The following DLG2 variants were observed in gnomAD, a reference collection of about 807,000 sequenced individuals.
DLG2 encodes discs large MAGUK scaffold protein 2, also known as disks large homolog 2.
DLG2 carries 45 observed loss-of-function variants against 132.5 expected under a neutral mutation model. The observed-to-expected ratio is 0.34, with a 90% CI of 0.27 to 0.44. The LOEUF (loss-of-function observed/expected upper bound fraction) is 0.44. Ranked by LOEUF, DLG2 falls within the 20% of genes least tolerant of loss-of-function variation. The probability of loss-of-function intolerance (pLI) is 1.00; values close to 1 mark genes in which losing one functional copy is unlikely to be tolerated. For missense variants in DLG2, 1,045 were observed against 1,196.9 expected (o/e 0.87, Z 1.87); for synonymous variants, 424 against 419.6 (o/e 1.01, Z -0.13).
intron 5 of DLG2, among the ~76,000 whole-genome samples, chr11:85,114,167 TCTC>T (rs1293994649): frequency 1.3e-5 from 2 of 151,988 alleles, no homozygotes; most frequent in Non-Finnish European, 2.9e-5. Context: ...AAGTCTTCAT[TCTC>T]CTTCTTCAGT....
chr11:84,505,150 T>G (rs1364292141), intron 7 of DLG2, among the ~76,000 whole-genome samples: 1 of 152,110 alleles, frequency 6.6e-6, no homozygotes, highest in Non-Finnish European at 1.5e-5. Flanking sequence ...TTAAAATGTA[T>G]CCTATTTATT....
chr11:84,864,041 G>C (rs1426295075), intron 6 of DLG2, among the ~76,000 whole-genome samples: 2 of 152,202 alleles, frequency 1.3e-5, no homozygotes, highest in Non-Finnish European at 2.9e-5. Flanking sequence ...CCTGGGAAGA[G>C]ATACTTTATT....
intron 6 of DLG2, among the ~76,000 whole-genome samples, chr11:85,018,179 C>T (rs1262649034): frequency 6.6e-6 from 1 of 152,130 alleles, no homozygotes; most frequent in Non-Finnish European, 1.5e-5. Context: ...TAAACTACCA[C>T]ATTAATGAGC....
At chr11:83,753,435 T>C (rs2093424318) in intron 18 of DLG2, among the ~76,000 whole-genome samples, 1 of 151,584 alleles carries the variant, frequency 6.6e-6, no homozygotes, top group Non-Finnish European at 1.5e-5. Flanking sequence ...AAAAACAAAA[T>C]AAAACAAAAA....
At position 84,066,596 on chromosome 11, in the gene DLG2, C is replaced by T. The variant is rs140668406; in HGVS notation, c.750-7112G>A. 7.1e-3 allele frequency among the ~76,000 whole-genome samples: 1,076 copies of T among 152,050 alleles called. 44 individuals carry two copies. The highest frequency in any genetic ancestry group is 1.2e-3 in the Non-Finnish European group (84 of 67,974). The stretch of plus-strand genomic sequence containing the variant: ...CCAACATGATGAAATCCTGTCTGTG[C>T]TAAAAATACAAAAAATTAGCCACGC... On this transcript the variant is annotated intron_variant, in intron 10 of 27. Coordinates refer to ENST00000376104, the MANE Select transcript of DLG2 (RefSeq NM_001142699.3).
At chr11:84,150,898 A>G (rs1293875095) in intron 9 of DLG2, among the ~76,000 whole-genome samples, 1 of 152,158 alleles carries the variant, frequency 6.6e-6, no homozygotes, top group Non-Finnish European at 1.5e-5. Context: ...TGTTTATGCA[A>G]TTAATTACAT....
At chr11:83,573,909 A>G (rs1275875853) in intron 19 of DLG2, among the ~76,000 whole-genome samples, 1 of 152,132 alleles carries the variant, frequency 6.6e-6, no homozygotes, top group Non-Finnish European at 1.5e-5. Flanking sequence ...ATATGGATAG[A>G]TTTGGATTGA....
intron 18 of DLG2, among the ~76,000 whole-genome samples, chr11:83,709,180 G>A (rs573672762): frequency 1.3e-4 from 19 of 151,594 alleles, no homozygotes; most frequent in Admixed American, 5.3e-4. Context: ...ATCTTTTTGA[G>A]AGGAAAAAAA....
intron 6 of DLG2, among the ~76,000 whole-genome samples, chr11:84,608,456 G>A (rs1593621475): frequency 2.0e-5 from 3 of 152,128 alleles, no homozygotes; most frequent in African/African-American, 4.8e-5. Flanking sequence ...AATTCACAAC[G>A]TGCTAAGATT....
chr11:84,505,595 C>A (rs1336142329), intron 7 of DLG2, among the ~76,000 whole-genome samples: 1 of 152,008 alleles, frequency 6.6e-6, no homozygotes, highest in Non-Finnish European at 1.5e-5. Flanking sequence ...ATAAGGATGC[C>A]AACATCTGCC....
intron 6 of DLG2, among the ~76,000 whole-genome samples, chr11:84,779,921 A>G (rs1332293564): frequency 1.3e-5 from 2 of 151,548 alleles, no homozygotes; most frequent in Admixed American, 1.3e-4. Context: ...CAGGACCAGG[A>G]CCAGATTGTG....
chr11:84,487,540 A>G (rs956879524), intron 7 of DLG2, among the ~76,000 whole-genome samples: 2 of 152,132 alleles, frequency 1.3e-5, no homozygotes, highest in African/African-American at 4.8e-5. Flanking sequence ...GAATGTCCTA[A>G]TAACTTAGGT....
chr11:84,199,678 A>G lies in DLG2; in HGVS notation c.574-36167T>C, dbSNP rs572459730. Among the ~76,000 whole-genome samples, 5 of 152,258 alleles carry G rather than the reference A, an allele frequency of 3.3e-5. No individual in the cohort carries two copies. The South Asian group carries it at 1.0e-3, about 32-fold the overall frequency. On this transcript the variant is annotated intron_variant, in intron 8 of 27. Coordinates refer to ENST00000376104, the MANE Select transcript of DLG2 (RefSeq NM_001142699.3). Reference sequence around the variant, plus strand: ...ATTATCAATACACTGAAAGGGTTCAAAAGAAGAATGAATGAATCACCAAAG... The same window carrying G: ...ATTATCAATACACTGAAAGGGTTCAGAAGAAGAATGAATGAATCACCAAAG...
At chr11:83,766,059 A>G (rs11605642) in intron 18 of DLG2, among the ~76,000 whole-genome samples, 45,197 of 151,320 alleles carry the variant, frequency 0.3, 8,991 homozygotes, top group African/African-American at 0.57. Context: ...AAGCAATATG[A>G]ATATTAAAAC....
chr11:84,740,036 C>G, intron 6 of DLG2, among the ~76,000 whole-genome samples: 1 of 151,772 alleles, frequency 6.6e-6, no homozygotes, highest in Non-Finnish European at 1.5e-5. Flanking sequence ...TGTATTTACC[C>G]TAACGTTCAG....
intron 18 of DLG2, among the ~76,000 whole-genome samples, chr11:83,770,255 G>GTTTTTTTTTTTTTTTTTTTTTTTTTTT (rs143065797): frequency 1.3e-4 from 14 of 109,928 alleles, no homozygotes; most frequent in African/African-American, 2.0e-4. Flanking sequence ...GGTGTCTGGT[G>GTTTTTTTTTTTTTTTTTTTTTTTTTTT]TTTTTTTTTG....
chr11:83,635,634 A>T (rs2064606508), intron 18 of DLG2, among the ~76,000 whole-genome samples: 3 of 152,134 alleles, frequency 2.0e-5, no homozygotes, highest in Non-Finnish European at 2.9e-5. Context: ...TACAAACAAG[A>T]CCATAGCTAT....
At chr11:85,059,475 T>A (rs1485296187) in intron 6 of DLG2, among the ~76,000 whole-genome samples, 1 of 151,620 alleles carries the variant, frequency 6.6e-6, no homozygotes, top group Non-Finnish European at 1.5e-5. Flanking sequence ...GATTTAGTCA[T>A]AATAGCCTGA....
chr11:84,795,493 AC>A (rs1349217658), intron 6 of DLG2, among the ~76,000 whole-genome samples: 2 of 151,994 alleles, frequency 1.3e-5, no homozygotes, highest in Non-Finnish European at 2.9e-5. Context: ...GAGAGGAGCT[AC>A]CCACTGCAGG....
Sources: gnomAD v4.1 joint callset for allele counts (sites outside exome capture counted in the v4.1 genomes callset) on GRCh38, gnomAD v4.1.1 for gene constraint, MANE v1.5 for transcripts, NCBI Gene and HGNC (gene_info 2026-07-23, HGNC 2026-07-21) for gene names.